PODXL: variants seen among roughly 807,000 people sequenced by gnomAD.
PODXL encodes the protein podocalyxin like, also known as podocalyxin.
PODXL carries 20 observed loss-of-function variants against 48.9 expected under a neutral mutation model. The observed-to-expected ratio is 0.41, with a 90% confidence interval of 0.29 to 0.59. PODXL has a LOEUF of 0.59. Among genes scored for constraint, PODXL ranks in the 20% least tolerant of loss-of-function variants. PODXL has a pLI of 0.31. For synonymous variants in PODXL, 295 were observed against 287.4 expected (o/e 1.03, Z -0.27); for missense variants, 606 against 675.1 (o/e 0.90, Z 1.13).
intron 1 of PODXL, among the ~76,000 whole-genome samples, chr7:131,544,553 G>C (rs1798534511): frequency 6.6e-6 from 1 of 152,152 alleles, no homozygotes; most frequent in Admixed American, 6.5e-5. Context: ...CAACTTTTTG[G>C]GCGGTGCTCT....
chr7:131,527,990 C>G (rs1402256059), intron 1 of PODXL, among the ~76,000 whole-genome samples: 4 of 150,096 alleles, frequency 2.7e-5, no homozygotes, highest in Non-Finnish European at 5.9e-5. Context: ...CGCAACCTCT[C>G]TCTCCTGGGT....
chr7:131,504,765 C>T (rs1315086159), intron 8 of PODXL, among the ~76,000 whole-genome samples: 1 of 152,170 alleles, frequency 6.6e-6, no homozygotes, highest in South Asian at 2.1e-4. Context: ...ACTTTGTTCT[C>T]CAGAGTCCTC....
At chr7:131,534,627 G>C (rs111348311) in intron 1 of PODXL, among the ~76,000 whole-genome samples, 1,880 of 152,296 alleles carry the variant, frequency 0.012, 52 homozygotes, top group African/African-American at 0.042. Context: ...TCCTCCTCAG[G>C]GAAATGAAGC....
At chr7:131,516,734 C>CT (rs1269886281) in intron 1 of PODXL, among the ~76,000 whole-genome samples, 6 of 64,616 alleles carry the variant, frequency 9.3e-5, no homozygotes, top group Non-Finnish European at 1.3e-4. Context: ...GCTTTTTTTT[C>CT]TCTTTTTTTT....
In PODXL at chr7:131,526,739, C is replaced by CTTTTTTTTTTTT. The variant is rs57935236; in HGVS notation, c.101-15318_101-15307dup. Reference sequence around the variant, plus strand: ...TTGTTCAATCCACAACTTCCTTACTCTTTTTTTTTTTTTTTTTTTTGAGAC... The same window carrying CTTTTTTTTTTTT: ...TTGTTCAATCCACAACTTCCTTACTCTTTTTTTTTTTTTTTTTTTTTTTTTTTTTTTTGAGAC... On this transcript the variant is annotated intron_variant, in intron 1 of 8. Transcript: ENST00000378555. Among the ~76,000 whole-genome samples the CTTTTTTTTTTTT allele has an allele frequency of 1.5e-3, 132 of 90,512 alleles. 10 individuals are homozygous for CTTTTTTTTTTTT. Among genetic ancestry groups the CTTTTTTTTTTTT allele is most frequent in the African/African-American group, 2.8e-3 (64 of 22,586 alleles). The allele number at this position is 90,512 out of a possible 152,430, so 59.4% of individuals were successfully genotyped here.
intron 1 of PODXL, among the ~76,000 whole-genome samples, chr7:131,547,535 G>A (rs551439016): frequency 7.6e-4 from 116 of 152,284 alleles, no homozygotes; most frequent in Non-Finnish European, 1.2e-3. Context: ...GAGATCACAA[G>A]GCTAACAAGT....
At chr7:131,524,662 A>T (rs1352687967) in intron 1 of PODXL, among the ~76,000 whole-genome samples, 1 of 152,212 alleles carries the variant, frequency 6.6e-6, no homozygotes, top group African/African-American at 2.4e-5. Context: ...CAGAATGCAC[A>T]ATGGTACAGA....
intron 8 of PODXL, among the ~76,000 whole-genome samples, chr7:131,505,445 G>T (rs192819131): frequency 1.3e-5 from 2 of 151,894 alleles, no homozygotes; most frequent in African/African-American, 4.8e-5. Context: ...TCAGGAGTTC[G>T]AGACTAGCCT....
chr7:131,548,413 C>A (rs567845988), intron 1 of PODXL, among the ~76,000 whole-genome samples: 1 of 152,250 alleles, frequency 6.6e-6, no homozygotes, highest in African/African-American at 2.4e-5. Context: ...TCTTTCCTGC[C>A]TGCCTTTCAG....
chr7:131,521,704 A>G (rs889337235), intron 1 of PODXL, among the ~76,000 whole-genome samples: 14 of 152,202 alleles, frequency 9.2e-5, no homozygotes, highest in Admixed American at 9.2e-4. Context: ...AAGCCCTGTG[A>G]GCTGTAGGCA....
At position 131,504,454 on chromosome 7, in the gene PODXL, T is replaced by C. The variant is rs377265080; in HGVS notation, c.1534A>G (p.Thr512Ala). 1 of 1,613,614 alleles carries C rather than the reference T, an allele frequency of 6.2e-7. No homozygotes were observed. Among genetic ancestry groups the C allele is most frequent in the Non-Finnish European group, 8.5e-7 (1 of 1,179,488 alleles). ...GAAGAGGTCTCCATCACTTCCAGTG[T>C]TGGGTTGTCATGGTAACCATTCTCC... The part of the protein sequence containing the change: ...TVENGYHDNP[T>A]LEVMETSSEM... The change falls in exon 9 of 9, where the codon ACA becomes GCA. Residue 512 changes from threonine (T) to alanine (A), a missense_variant. Physicochemically the swap from Thr to Ala is moderately conservative, Grantham distance 58 (BLOSUM62 0). Transcript: ENST00000378555.
chr7:131,535,597 G>A (rs752020685), intron 1 of PODXL, among the ~76,000 whole-genome samples: 8 of 152,246 alleles, frequency 5.3e-5, no homozygotes, highest in Middle Eastern at 3.4e-3. Context: ...AGTCTCTGCC[G>A]CAACTACTCA....
At chr7:131,520,236 G>T (rs1798070770) in intron 1 of PODXL, 2 of 445,344 alleles carry the variant, frequency 4.5e-6, no homozygotes, top group South Asian at 1.8e-5. Context: ...GAGCTTCCTG[G>T]AGTGGGCTTC....
chr7:131,524,490 T>C (rs1161925842), intron 1 of PODXL, among the ~76,000 whole-genome samples: 3 of 152,120 alleles, frequency 2.0e-5, no homozygotes, highest in East Asian at 1.9e-4. Flanking sequence ...ACCAAAGATA[T>C]ACAGATGGCA....
Position 131,503,796 on chromosome 7 carries a change from C to A in PODXL, c.*515G>T. 6.3e-6 allele frequency: 1 copy of A among 159,756 alleles called. No homozygotes were observed. Among genetic ancestry groups the A allele is most frequent in the Non-Finnish European group, 1.4e-5 (1 of 73,080 alleles). The allele number at this position is 159,756 out of a possible 1,614,324, so 9.9% of individuals were successfully genotyped here. The stretch of plus-strand genomic sequence containing the variant: ...AGCTGGACTTTCAGGTCGTCAGATC[C>A]CACCGAGCCAGGATGTAGCCCTGCC... On this transcript the variant is annotated 3_prime_UTR_variant, in exon 9 of 9. Transcript: ENST00000378555.
rs551653956 is a variant in PODXL, at chr7:131,552,781, C to A, written c.100+3479G>T. On this transcript the variant is annotated intron_variant, in intron 1 of 8. Coordinates refer to ENST00000378555, the MANE Select transcript of PODXL (RefSeq NM_001018111.3). Reference sequence around the variant, plus strand: ...AACACCCACATTCCCCCACCCCAGCCCTGGGCACCTTGTTTTTTTCCTTGA... The same window carrying A: ...AACACCCACATTCCCCCACCCCAGCACTGGGCACCTTGTTTTTTTCCTTGA... 2.1e-4 allele frequency among the ~76,000 whole-genome samples: 32 copies of A among 152,278 alleles called. No individual in the cohort carries two copies. The East Asian group carries it at 5.2e-3, about 25-fold the overall frequency.
chr7:131,513,781 A>C (rs1797952747), intron 1 of PODXL, among the ~76,000 whole-genome samples: 1 of 152,196 alleles, frequency 6.6e-6, no homozygotes, highest in Non-Finnish European at 1.5e-5. Flanking sequence ...TGAGGTTCAA[A>C]GTAGCCCTGC....
chr7:131,516,732 TTC>T (rs1261346708), intron 1 of PODXL, among the ~76,000 whole-genome samples: 49 of 76,540 alleles, frequency 6.4e-4, no homozygotes, highest in African/African-American at 1.8e-3. Context: ...GTGCTTTTTT[TTC>T]TCTTTTTTTT....
chr7:131,529,436 G>A (rs1031640377), intron 1 of PODXL, among the ~76,000 whole-genome samples: 2 of 152,002 alleles, frequency 1.3e-5, no homozygotes, highest in South Asian at 2.1e-4. Context: ...TCCAGACCTG[G>A]GATTGACTCT....
Sources: gnomAD v4.1 joint callset for allele counts (sites outside exome capture counted in the v4.1 genomes callset) on GRCh38, gnomAD v4.1.1 for gene constraint, MANE v1.5 for transcripts, NCBI Gene and HGNC (gene_info 2026-07-23, HGNC 2026-07-21) for gene names.